The following DNAH8 variants were observed in gnomAD, a reference collection of about 807,000 sequenced individuals.
The protein encoded by DNAH8 is axonemal beta dynein heavy chain 8.
In DNAH8, 382 loss-of-function variants were observed where a neutral mutation model predicts 562.1. The observed-to-expected ratio is 0.68, with a 90% CI of 0.63 to 0.74. The LOEUF (loss-of-function observed/expected upper bound fraction) is 0.74, where lower values mean the gene tolerates loss of function less well. Ranked by LOEUF, DNAH8 falls within the 30% of genes least tolerant of loss-of-function variation. The pLI, the probability that DNAH8 is intolerant of heterozygous loss-of-function variation, is 0.00. For synonymous variants in DNAH8, 1,881 were observed against 1,919.4 expected, an observed-to-expected ratio of 0.98 and a Z score of 0.52; for missense variants, 5,203 against 5,620.4, an observed-to-expected ratio of 0.93 and a Z score of 2.37.
At chr6:38,944,885 T>C (rs1168623897) in intron 79 of DNAH8, among the ~76,000 whole-genome samples, 1 of 152,146 alleles carries the variant, frequency 6.6e-6, no homozygotes, top group Non-Finnish European at 1.5e-5. Context: ...CATTTCCTCC[T>C]TCACTTCCTT....
chr6:38,748,198 A>C (rs1359110506), intron 8 of DNAH8, among the ~76,000 whole-genome samples: 2 of 152,342 alleles, frequency 1.3e-5, no homozygotes, highest in East Asian at 3.9e-4. Flanking sequence ...TATACAATTT[A>C]AGCTCTTGGA....
chr6:38,870,352 ATGTT>A lies in DNAH8; in HGVS notation c.6829-44_6829-41del, dbSNP rs765033967. 1.5e-5 allele frequency: 24 copies of A among 1,561,854 alleles called. No homozygotes were observed. The African/African-American group carries it at 2.2e-4, about 14-fold the overall frequency. ...TATGCACATCCCAGCTAGCTGATAA[ATGTT>A]TGTTGACTGAATGAGTAAATTTATT... On this transcript the variant is annotated intron_variant, in intron 48 of 92. Transcript: ENST00000327475.
At chr6:38,900,130 C>T (rs1779979239) in intron 62 of DNAH8, among the ~76,000 whole-genome samples, 1 of 152,150 alleles carries the variant, frequency 6.6e-6, no homozygotes, top group Non-Finnish European at 1.5e-5. Context: ...GAAGTGCCTC[C>T]ATGTTACGTT....
Position 38,806,790 on chromosome 6 carries a change from AT to A in DNAH8, c.3151-819del, listed in dbSNP as rs751613913. On this transcript the variant is annotated intron_variant, in intron 23 of 92. Transcript: ENST00000327475. ...AGCAAGACTCTGTCTCAAAAAAAAAATAATAATAATAATAAAAATCTGATTA... is the reference window on the plus strand; with the variant it reads ...AGCAAGACTCTGTCTCAAAAAAAAAAAATAATAATAATAAAAATCTGATTA... 6.5e-3 allele frequency among the ~76,000 whole-genome samples: 507 copies of A among 77,440 alleles called. 3 individuals carry two copies. Among genetic ancestry groups the A allele is most frequent in the African/African-American group, 0.017 (413 of 23,994 alleles). 50.8% of individuals were successfully genotyped at this position (77,440 alleles called of 152,430 possible). A position where few individuals can be genotyped will look rare whatever the true frequency, so the allele number is the denominator to read the frequency against.
chr6:38,956,126 T>C (rs890033192), intron 82 of DNAH8, among the ~76,000 whole-genome samples: 4 of 152,078 alleles, frequency 2.6e-5, no homozygotes, highest in Non-Finnish European at 5.9e-5. Context: ...TCAGCTGAGG[T>C]CCCAACTCAG....
chr6:38,827,956 A>C (rs963561161), intron 29 of DNAH8, among the ~76,000 whole-genome samples: 4 of 151,814 alleles, frequency 2.6e-5, no homozygotes, highest in African/African-American at 7.3e-5. Flanking sequence ...TCTCCATCAG[A>C]ATCACCTAGG....
intron 44 of DNAH8, among the ~76,000 whole-genome samples, chr6:38,863,641 T>C (rs1776812458): frequency 6.6e-6 from 1 of 152,194 alleles, no homozygotes; most frequent in Admixed American, 6.5e-5. Flanking sequence ...ACCCCCAAAA[T>C]TTGTACTTTC....
chr6:38,906,009 G>T (rs1168150240), intron 62 of DNAH8, among the ~76,000 whole-genome samples: 1 of 151,784 alleles, frequency 6.6e-6, no homozygotes, highest in Non-Finnish European at 1.5e-5. Context: ...GGGTTCAAGC[G>T]ATTCTCCTGC....
At chr6:38,815,747 CTT>C (rs906550660) in intron 26 of DNAH8, 90 bp downstream of exon 26, 40 of 1,185,384 alleles carry the variant, frequency 3.4e-5, no homozygotes, top group South Asian at 7.8e-5. Context: ...TGTTTGATAC[CTT>C]TTGCATTTAA....
At chr6:38,951,783 G>A (rs1447094101) in intron 82 of DNAH8, among the ~76,000 whole-genome samples, 1 of 151,870 alleles carries the variant, frequency 6.6e-6, no homozygotes, top group Admixed American at 6.6e-5. Flanking sequence ...GGAGATAGCT[G>A]TATTGCATGG....
At chr6:38,871,209 A>G (rs547776807) in intron 49 of DNAH8, among the ~76,000 whole-genome samples, 2 of 152,322 alleles carry the variant, frequency 1.3e-5, no homozygotes, top group East Asian at 3.9e-4. Context: ...TGAAAACTGC[A>G]TTTGAAATAT....
At position 38,868,121 on chromosome 6, in the gene DNAH8, A is replaced by T. The variant is rs147059338; in HGVS notation, c.6753A>T (p.Gln2251His). Residue 2251 changes from glutamine to histidine, a missense_variant, in exon 48 of 93, where the codon CAA (glutamine) becomes CAT (histidine). Transcript: ENST00000327475. Reference sequence around the variant, plus strand: ...CTGTATTGAGGACTCTTGGATCTCAAAAAAGAGCCAGACCAGAAGATAGTG... The same window carrying T: ...CTGTATTGAGGACTCTTGGATCTCATAAAAGAGCCAGACCAGAAGATAGTG... The part of the protein sequence containing the change: ...ILSVLRTLGS[Q>H]KRARPEDSEL... The T allele has an allele frequency of 6.2e-7, 1 of 1,613,972 alleles. No individual in the cohort carries two copies. Among genetic ancestry groups the T allele is most frequent in the Non-Finnish European group, 8.5e-7 (1 of 1,179,864 alleles).
At chr6:38,957,479 A>G (rs1222431026) in intron 82 of DNAH8, among the ~76,000 whole-genome samples, 1 of 151,958 alleles carries the variant, frequency 6.6e-6, no homozygotes, top group African/African-American at 2.4e-5. Flanking sequence ...AATCAAATGG[A>G]CCTAACAGAC....
At chr6:38,813,959 T>C (rs1209158504) in intron 24 of DNAH8, 95 bp from the exon 25 acceptor site, 1 of 904,198 alleles carries the variant, frequency 1.1e-6, no homozygotes, top group African/African-American at 1.7e-5. Flanking sequence ...CTTTTAAAAA[T>C]GATCTTTATT....
intron 73 of DNAH8, among the ~76,000 whole-genome samples, chr6:38,925,707 G>C (rs140635528): frequency 0.013 from 1,956 of 152,224 alleles, 35 homozygotes; most frequent in Middle Eastern, 0.037. Flanking sequence ...GACTTACCTT[G>C]TTCTCTGACA....
chr6:38,925,953 A>T, intron 73 of DNAH8, 102 bp from the exon 74 acceptor site: 1 of 1,141,982 alleles, frequency 8.8e-7, no homozygotes, highest in Non-Finnish European at 1.2e-6. Context: ...AAAGGAAAAT[A>T]ATGTCCACAT....
At chr6:38,795,076 G>A (rs1007075482) in intron 21 of DNAH8, among the ~76,000 whole-genome samples, 1 of 152,046 alleles carries the variant, frequency 6.6e-6, no homozygotes, top group African/African-American at 2.4e-5. Context: ...CCCACTCTTT[G>A]TTTTGGCTGA....
At chr6:38,815,373 G>A in intron 25 of DNAH8, 95 bp from the exon 26 acceptor site, 3 of 973,414 alleles carry the variant, frequency 3.1e-6, no homozygotes, top group Non-Finnish European at 4.7e-6. Context: ...GGCCAGCCGA[G>A]GCTTGCCCCA....
At chr6:38,992,474 T>C (rs1021956643) in intron 88 of DNAH8, among the ~76,000 whole-genome samples, 4 of 152,166 alleles carry the variant, frequency 2.6e-5, no homozygotes, top group African/African-American at 4.8e-5. Flanking sequence ...ATGAGGAGAT[T>C]CCATAGAAAG....
Sources: gnomAD v4.1 joint callset for allele counts (sites outside exome capture counted in the v4.1 genomes callset) on GRCh38, gnomAD v4.1.1 for gene constraint, MANE v1.5 for transcripts, NCBI Gene and HGNC (gene_info 2026-07-23, HGNC 2026-07-21) for gene names.